Variants in CSMD1 observed in about 807,000 individuals in gnomAD.
The protein encoded by CSMD1 is CUB and Sushi multiple domains 1, also known as CUB and sushi domain-containing protein 1.
CSMD1 carries 213 observed loss-of-function variants against 417.5 expected under a neutral mutation model. The observed-to-expected ratio is 0.51, with a 90% CI of 0.46 to 0.57. The LOEUF (loss-of-function observed/expected upper bound fraction) is 0.57. Among genes scored for constraint, CSMD1 ranks in the 20% least tolerant of loss-of-function variants. The pLI, the probability that CSMD1 is intolerant of heterozygous loss-of-function variation, is 0.00. For missense variants in CSMD1, 6,923 were observed against 4,529.7 expected (o/e 1.53, Z -15.17); for synonymous variants, 2,862 against 1,736.8 (o/e 1.65, Z -16.11).
intron 10 of CSMD1, among the ~76,000 whole-genome samples, chr8:3,550,496 T>G (rs1012937655): frequency 1.3e-5 from 2 of 152,198 alleles, no homozygotes; most frequent in African/African-American, 4.8e-5. Flanking sequence ...GGGTGCACAG[T>G]AATGTTTCCA....
chr8:3,164,653 C>T (rs1020609853), intron 37 of CSMD1, among the ~76,000 whole-genome samples: 23 of 152,004 alleles, frequency 1.5e-4, no homozygotes, highest in Non-Finnish European at 7.4e-5. Context: ...TAACTACAGT[C>T]GGGAATACTA....
chr8:4,926,617 G>A (rs1266816783), intron 1 of CSMD1, among the ~76,000 whole-genome samples: 2 of 152,192 alleles, frequency 1.3e-5, no homozygotes, highest in Admixed American at 1.3e-4. Flanking sequence ...TAAAAAGCAT[G>A]TATATAGTTC....
At chr8:3,223,568 T>TTG (rs1201691072) in intron 28 of CSMD1, among the ~76,000 whole-genome samples, 161 bp downstream of exon 28, 1 of 152,202 alleles carries the variant, frequency 6.6e-6, no homozygotes, top group South Asian at 2.1e-4. Context: ...ATACTGTATT[T>TTG]CCATTTATGT....
intron 18 of CSMD1, among the ~76,000 whole-genome samples, chr8:3,387,200 A>T (rs1243091348): frequency 6.6e-6 from 1 of 152,192 alleles, no homozygotes; most frequent in East Asian, 1.9e-4. Flanking sequence ...ATACCGCCCC[A>T]CGTGCCAGTT....
intron 3 of CSMD1, among the ~76,000 whole-genome samples, chr8:4,225,506 T>TA (rs1801294034): frequency 1.4e-5 from 2 of 148,100 alleles, no homozygotes; most frequent in South Asian, 4.4e-4. Context: ...CTCATCACTT[T>TA]TTTTTTTTTT....
intron 1 of CSMD1, among the ~76,000 whole-genome samples, chr8:4,650,641 T>C (rs1417682950): frequency 6.8e-6 from 1 of 146,864 alleles, no homozygotes. Flanking sequence ...GCCTTTCGAG[T>C]CTGTGGCCTT....
At chr8:4,209,203 C>A (rs1442861753) in intron 3 of CSMD1, among the ~76,000 whole-genome samples, 1 of 152,020 alleles carries the variant, frequency 6.6e-6, no homozygotes, top group South Asian at 2.1e-4. Flanking sequence ...TATCGCTCAC[C>A]TTTTCAACAC....
chr8:4,033,557 G>C (rs190215216), intron 3 of CSMD1, among the ~76,000 whole-genome samples: 4 of 152,306 alleles, frequency 2.6e-5, no homozygotes, highest in Middle Eastern at 3.4e-3. Context: ...GAAGTGTATT[G>C]ATTGATGTCT....
chr8:4,895,961 C>G (rs1239217952), intron 1 of CSMD1, among the ~76,000 whole-genome samples: 3 of 151,906 alleles, frequency 2.0e-5, no homozygotes, highest in Non-Finnish European at 4.4e-5. Flanking sequence ...ATTTTCAGAC[C>G]TAATTTTCAA....
intron 5 of CSMD1, among the ~76,000 whole-genome samples, chr8:3,931,793 A>G (rs1176687457): frequency 6.7e-6 from 1 of 148,498 alleles, no homozygotes; most frequent in Non-Finnish European, 1.5e-5. Flanking sequence ...ACTAAGGAAT[A>G]TTAAGTGGGC....
At position 4,421,872 on chromosome 8, in the gene CSMD1, G is replaced by C. The variant is rs184148993; in HGVS notation, c.303-1807C>G. 3.6e-3 allele frequency among the ~76,000 whole-genome samples: 544 copies of C among 151,960 alleles called. 1 individual carries two copies. The highest frequency in any genetic ancestry group is 0.012 in the African/African-American group (488 of 41,428). On this transcript the variant is annotated intron_variant, in intron 2 of 69. Transcript: ENST00000635120. ...AAAGAAAAAAGAACAAATAATGAAA[G>C]AGCCAGTTCTTTGGGAAAATAAAAT...
At chr8:3,294,982 A>G (rs558350450) in intron 25 of CSMD1, among the ~76,000 whole-genome samples, 46 of 151,990 alleles carry the variant, frequency 3.0e-4, no homozygotes, top group Non-Finnish European at 6.2e-4. Flanking sequence ...TCCCATTTAT[A>G]TTTTTAGAAG....
intron 3 of CSMD1, among the ~76,000 whole-genome samples, chr8:4,081,388 G>C (rs1001539217): frequency 1.3e-5 from 2 of 152,136 alleles, no homozygotes; most frequent in Non-Finnish European, 2.9e-5. Context: ...TCTGAATATA[G>C]ATGATTATAA....
intron 6 of CSMD1, among the ~76,000 whole-genome samples, chr8:3,721,151 C>A (rs1235535703): frequency 6.6e-6 from 1 of 152,088 alleles, no homozygotes; most frequent in Non-Finnish European, 1.5e-5. Context: ...ATGGGAAGAT[C>A]AGGTGGTCCT....
rs757334022 is a variant in CSMD1 at position 3,409,549 on chromosome 8, C to G, written c.1618G>C (p.Gly540Arg). The G allele has an allele frequency of 1.2e-6, 2 of 1,610,848 alleles. No individual in the cohort carries two copies. The highest frequency in any genetic ancestry group is 1.7e-6 in the Non-Finnish European group (2 of 1,178,582). ...PGIPAYGKRT[G>R]SSFLHGDTLT... ...GTATCTCCATGGAGGAAACTGCTGC[C>G]CGTCCGCTTCCCATAGGCGGGGATT... The change falls in exon 13 of 70, where the codon GGC becomes CGC. Residue 540 changes from glycine to arginine, a missense_variant. Gly to Arg is a moderately radical substitution (Grantham distance 125). Transcript: ENST00000635120.
Position 3,396,185 on chromosome 8 carries a change from G to T in CSMD1, c.2593+9C>A. 1 of 1,554,766 alleles carries T rather than the reference G, an allele frequency of 6.4e-7. No homozygotes were observed. Among genetic ancestry groups the T allele is most frequent in the South Asian group, 1.2e-5 (1 of 84,216 alleles). Reference sequence around the variant, plus strand: ...CCCTGCCGGGCTGTCAAGGGAAGGTGCAACTCACTCTCATAGTGGATGAGG... The same window carrying T: ...CCCTGCCGGGCTGTCAAGGGAAGGTTCAACTCACTCTCATAGTGGATGAGG... On this transcript the variant is annotated intron_variant, in intron 17 of 69. Transcript: ENST00000635120.
chr8:4,238,001 C>A (rs898193745), intron 3 of CSMD1, among the ~76,000 whole-genome samples: 2 of 152,152 alleles, frequency 1.3e-5, no homozygotes, highest in South Asian at 4.1e-4. Context: ...CACAGGCCTA[C>A]TGGGCGGGAC....
intron 4 of CSMD1, among the ~76,000 whole-genome samples, chr8:4,023,680 G>C (rs892322230): frequency 2.0e-5 from 3 of 149,434 alleles, no homozygotes; most frequent in African/African-American, 4.9e-5. Flanking sequence ...TCCGCCTCCA[G>C]GGTTCACGCC....
At chr8:3,489,056 T>G (rs530926353) in intron 11 of CSMD1, among the ~76,000 whole-genome samples, 1 of 152,342 alleles carries the variant, frequency 6.6e-6, no homozygotes, top group South Asian at 2.1e-4. Context: ...TATATAAAGA[T>G]ACACACACAA....
Sources: gnomAD v4.1 joint callset for allele counts (sites outside exome capture counted in the v4.1 genomes callset) on GRCh38, gnomAD v4.1.1 for gene constraint, MANE v1.5 for transcripts, NCBI Gene and HGNC (gene_info 2026-07-23, HGNC 2026-07-21) for gene names.